Variants in DLGAP1 observed in about 807,000 individuals in gnomAD.
DLGAP1 encodes the protein DLG associated protein 1, also known as disks large-associated protein 1.
In DLGAP1, 11 loss-of-function variants were observed where a neutral mutation model predicts 90.8. The ratio of observed to expected loss-of-function variants is 0.12; its 90% CI spans 0.08 to 0.20. DLGAP1 has a LOEUF of 0.20. DLGAP1 is among the 10% of genes least tolerant of loss of function. The pLI is 1.00. For missense variants in DLGAP1, 1,050 were observed against 1,333.8 expected (o/e 0.79, Z 3.31); for synonymous variants, 558 against 540.7 (o/e 1.03, Z -0.44).
intron 3 of DLGAP1, among the ~76,000 whole-genome samples, chr18:3,925,577 C>CTGGATAAA (rs1242108553): frequency 7.9e-5 from 12 of 152,044 alleles, no homozygotes; most frequent in Non-Finnish European, 4.4e-5. Context: ...AAAATAACCT[C>CTGGATAAA]CTTTGATATG....
intron 10 of DLGAP1, among the ~76,000 whole-genome samples, chr18:3,519,865 G>C (rs1377075805): frequency 6.6e-6 from 1 of 152,110 alleles, no homozygotes; most frequent in East Asian, 1.9e-4. Context: ...AGAGTAATGA[G>C]AAGTAAATTT....
At chr18:3,943,098 C>G (rs962447968) in intron 3 of DLGAP1, among the ~76,000 whole-genome samples, 1 of 152,042 alleles carries the variant, frequency 6.6e-6, no homozygotes, top group Non-Finnish European at 1.5e-5. Context: ...GCTCTCCATT[C>G]GGTTCTCTAT....
At chr18:3,957,195 G>A (rs1032439294) in intron 3 of DLGAP1, among the ~76,000 whole-genome samples, 5 of 152,174 alleles carry the variant, frequency 3.3e-5, no homozygotes, top group Admixed American at 6.5e-5. Flanking sequence ...GAGAGTCAGA[G>A]CCAGAGACTG....
intron 7 of DLGAP1, among the ~76,000 whole-genome samples, chr18:3,625,031 C>T (rs1048055918): frequency 1.3e-5 from 2 of 152,190 alleles, no homozygotes; most frequent in Non-Finnish European, 2.9e-5. Flanking sequence ...ACGCCTGAGT[C>T]GTGACTCATG....
intron 4 of DLGAP1, among the ~76,000 whole-genome samples, chr18:3,866,075 G>A (rs1025805372): frequency 6.6e-6 from 1 of 152,212 alleles, no homozygotes; most frequent in African/African-American, 2.4e-5. Context: ...GAAAAGGTAT[G>A]AAGGTAACAT....
chr18:3,568,239 G>C (rs1303738291), intron 8 of DLGAP1, among the ~76,000 whole-genome samples: 1 of 152,154 alleles, frequency 6.6e-6, no homozygotes, highest in African/African-American at 2.4e-5. Context: ...ACAAAATAAA[G>C]AGGAAAATTT....
intron 4 of DLGAP1, among the ~76,000 whole-genome samples, chr18:3,877,664 C>T (rs1157992298): frequency 6.6e-6 from 1 of 152,176 alleles, no homozygotes; most frequent in African/African-American, 2.4e-5. Flanking sequence ...TCATTAATGG[C>T]CATTTCTCTA....
intron 3 of DLGAP1, among the ~76,000 whole-genome samples, chr18:3,919,261 T>C (rs934529346): frequency 6.6e-6 from 1 of 152,230 alleles, no homozygotes; most frequent in African/African-American, 2.4e-5. Flanking sequence ...TGGGCAAATT[T>C]GTAACCCTTA....
chr18:3,626,543 G>A (rs1410673886), intron 7 of DLGAP1, among the ~76,000 whole-genome samples: 2 of 146,546 alleles, frequency 1.4e-5, no homozygotes, highest in Non-Finnish European at 3.0e-5. Flanking sequence ...TCAGTGAGCC[G>A]AGATCACACC....
intron 7 of DLGAP1, chr18:3,603,517 C>G (rs1205240224): frequency 1.3e-5 from 2 of 152,104 alleles, no homozygotes; most frequent in Non-Finnish European, 2.9e-5. Context: ...ACGTGATGGT[C>G]AAGAAAAGAG....
At chr18:3,741,690 C>T (rs764458166) in intron 6 of DLGAP1, among the ~76,000 whole-genome samples, 1 of 152,132 alleles carries the variant, frequency 6.6e-6, no homozygotes, top group African/African-American at 2.4e-5. Flanking sequence ...TAATTCTCAC[C>T]TTGATGATCA....
chr18:3,922,401 A>G (rs2072286885), intron 3 of DLGAP1, among the ~76,000 whole-genome samples: 1 of 152,192 alleles, frequency 6.6e-6, no homozygotes, highest in Admixed American at 6.5e-5. Flanking sequence ...TAGCATTGTC[A>G]TTTGTGCGTG....
chr18:3,739,633 G>A lies in DLGAP1; in HGVS notation c.1350+2702C>T, dbSNP rs570127036. 1.5e-4 allele frequency among the ~76,000 whole-genome samples: 19 copies of A among 130,924 alleles called. No homozygotes were observed. In the South Asian group the frequency reaches 2.4e-3, roughly 17 times the overall value. The allele number at this position is 130,924 out of a possible 152,430, so 85.9% of individuals were successfully genotyped here. On this transcript the variant is annotated intron_variant, in intron 6 of 12. Coordinates refer to ENST00000315677, the MANE Select transcript of DLGAP1 (RefSeq NM_004746.4). Reference sequence around the variant, plus strand: ...ACACTCTGGGGACTGTTGTGGGGTCGGGGGAGGGGGGAGGGATACCATTGG... The same window carrying A: ...ACACTCTGGGGACTGTTGTGGGGTCAGGGGAGGGGGGAGGGATACCATTGG...
At chr18:3,664,183 TACACACACACACACACACAC>T (rs35653599) in intron 7 of DLGAP1, among the ~76,000 whole-genome samples, 1 of 135,662 alleles carries the variant, frequency 7.4e-6, no homozygotes, top group Non-Finnish European at 1.6e-5. Flanking sequence ...TGGGTCAGTA[TACACACACACACACACACAC>T]ACACACACAC....
intron 1 of DLGAP1, among the ~76,000 whole-genome samples, chr18:4,363,005 A>C (rs2081662419): frequency 6.6e-6 from 1 of 152,100 alleles, no homozygotes. Context: ...GTCGATGGCA[A>C]ACAAACCAGA....
At chr18:4,236,973 G>A (rs2145098782) in intron 1 of DLGAP1, among the ~76,000 whole-genome samples, 1 of 152,224 alleles carries the variant, frequency 6.6e-6, no homozygotes, top group East Asian at 1.9e-4. Context: ...AATGAGTCAC[G>A]TCTCCCCTGC....
chr18:4,349,077 T>A (rs1236321498), intron 1 of DLGAP1, among the ~76,000 whole-genome samples: 2 of 152,134 alleles, frequency 1.3e-5, no homozygotes, highest in Non-Finnish European at 2.9e-5. Flanking sequence ...GGGAAAAATA[T>A]AAATTTATAG....
chr18:4,182,015 A>G (rs1598564510), intron 1 of DLGAP1, among the ~76,000 whole-genome samples: 1 of 152,128 alleles, frequency 6.6e-6, no homozygotes, highest in East Asian at 1.9e-4. Context: ...TTCAGTTGGC[A>G]TGGTGGGGAC....
chr18:3,901,938 C>T (rs556491953), intron 3 of DLGAP1, among the ~76,000 whole-genome samples: 3 of 152,186 alleles, frequency 2.0e-5, no homozygotes, highest in Admixed American at 6.5e-5. Context: ...GATTTTTCTT[C>T]TCACACTTTG....
Sources: gnomAD v4.1 joint callset for allele counts (sites outside exome capture counted in the v4.1 genomes callset) on GRCh38, gnomAD v4.1.1 for gene constraint, MANE v1.5 for transcripts, NCBI Gene and HGNC (gene_info 2026-07-23, HGNC 2026-07-21) for gene names.